TWF1: variants seen among roughly 807,000 people sequenced by gnomAD.
TWF1 encodes twinfilin actin binding protein 1, also known as twinfilin-1.
In TWF1, 14 loss-of-function variants were observed where a neutral mutation model predicts 47.9. The ratio of observed to expected loss-of-function variants is 0.29; its 90% CI spans 0.19 to 0.46. The LOEUF (loss-of-function observed/expected upper bound fraction) is 0.46, where lower values mean the gene tolerates loss of function less well. Ranked by LOEUF, TWF1 falls within the 20% of genes least tolerant of loss-of-function variation. The probability of loss-of-function intolerance (pLI) is 1.00; values close to 1 mark genes in which losing one functional copy is unlikely to be tolerated. For synonymous variants in TWF1, 96 were observed against 139.2 expected, an observed-to-expected ratio of 0.69 and a Z score of 2.18; for missense variants, 281 against 409.3, an observed-to-expected ratio of 0.69 and a Z score of 2.70.
chr12:43,797,108 AAAT>A lies in TWF1; in HGVS notation c.761-14_761-12del, dbSNP rs1942566584. 6.4e-7 allele frequency: 1 copy of A among 1,574,154 alleles called. No individual in the cohort carries two copies. The highest frequency in any genetic ancestry group is 2.2e-5 in the East Asian group (1 of 44,564). Reference sequence around the variant, plus strand: ...TTGAATAAATAAAAACTGTAAGTTCAAATAATAACAAATATAATTAGCATATCA... The same window carrying A: ...TTGAATAAATAAAAACTGTAAGTTCAAATAACAAATATAATTAGCATATCA... On this transcript the variant is annotated splice_polypyrimidine_tract_variant and intron_variant, in intron 7 of 8. Transcript: ENST00000395510.
intron 1 of TWF1, among the ~76,000 whole-genome samples, chr12:43,805,035 G>C (rs1405699792): frequency 6.6e-6 from 1 of 152,138 alleles, no homozygotes; most frequent in African/African-American, 2.4e-5. Flanking sequence ...CTTGTTTAAA[G>C]AAAAAGACAA....
chr12:43,803,813 A>G (rs1287889195), intron 2 of TWF1, among the ~76,000 whole-genome samples: 2 of 152,172 alleles, frequency 1.3e-5, no homozygotes, highest in Admixed American at 6.5e-5. Context: ...TTGTGAAAGA[A>G]CAAGTTACTT....
intron 8 of TWF1, among the ~76,000 whole-genome samples, chr12:43,796,772 T>C (rs1401974473): frequency 6.6e-6 from 1 of 152,082 alleles, no homozygotes; most frequent in Non-Finnish European, 1.5e-5. Context: ...AATAGCCACA[T>C]GTGGCTTACT....
In TWF1 at chr12:43,800,457, T is replaced by C. The variant is rs1213113911; in HGVS notation, c.356A>G (p.Asp119Gly). ...TACCTTTACTGTTCCAAATACTTCA[T>C]CTTTAATGTGGCCACCTCCAAATTC... ...KKEFGGGHIK[D>G]EVFGTVKEDV... is the part of the protein sequence containing the mutation. Residue 119 changes from aspartate to glycine, a missense_variant, in exon 4 of 9, where the codon GAT becomes GGT. By Grantham distance (94) the Asp-to-Gly change is moderately conservative (BLOSUM62 -1). Coordinates refer to ENST00000395510, the MANE Select transcript of TWF1 (RefSeq NM_002822.5). 1 of 1,613,316 alleles carries C rather than the reference T, an allele frequency of 6.2e-7. No individual in the cohort carries two copies. The highest frequency in any genetic ancestry group is 1.3e-5 in the African/African-American group (1 of 74,914).
intron 5 of TWF1, chr12:43,798,701 T>G (rs1942603907): frequency 8.7e-7 from 1 of 1,151,200 alleles, no homozygotes; most frequent in African/African-American, 1.6e-5. Context: ...TGCTACCAGT[T>G]TAATATTAAA....
chr12:43,805,891 T>G, intron 1 of TWF1: 2 of 1,462,822 alleles, frequency 1.4e-6, no homozygotes, highest in Non-Finnish European at 1.8e-6. Context: ...CTTCCCTACG[T>G]GACCAAAAGG....
chr12:43,805,460 G>A, intron 1 of TWF1: 2 of 442,276 alleles, frequency 4.5e-6, no homozygotes, highest in South Asian at 3.2e-5. Context: ...GTTTACACTA[G>A]AACTCGTTAA....
intron 8 of TWF1, 51 bp downstream of exon 8, chr12:43,796,925 A>G (rs777089198): frequency 6.4e-7 from 1 of 1,567,012 alleles, no homozygotes; most frequent in Non-Finnish European, 8.7e-7. Flanking sequence ...CTACATAGAA[A>G]TGAAAAGAAA....
At chr12:43,805,594 C>G (rs555788872) in intron 1 of TWF1, 1 of 471,534 alleles carries the variant, frequency 2.1e-6, no homozygotes, top group South Asian at 1.5e-5. Context: ...ACTGTCTGCA[C>G]GCATTACATG....
Position 43,795,600 on chromosome 12 carries a change from T to C in TWF1, c.1038A>G (p.Glu346=). Residue 346 remains glutamate, a synonymous_variant, in exon 9 of 9, where the codon GAA becomes GAG. Coordinates refer to ENST00000395510, the MANE Select transcript of TWF1 (RefSeq NM_002822.5). ...RRLIRGPAET[E]ATTD is the part of the protein sequence containing the mutation. ...TGTGATGACTTTAATCAGTAGTAGC[T>C]TCAGTTTCCGCTGGGCCCCTAATTA... 2 of 1,612,046 alleles carry C rather than the reference T, an allele frequency of 1.2e-6. No individual in the cohort carries two copies. Among genetic ancestry groups the C allele is most frequent in the Non-Finnish European group, 1.7e-6 (2 of 1,179,820 alleles).
rs907005506 is a variant in TWF1, at chr12:43,806,194, C to T, written c.25+27G>A. On this transcript the variant is annotated intron_variant, in intron 1 of 8. Transcript: ENST00000395510. Reference sequence around the variant, plus strand: ...TCCCGGCTCTCCCGGAAGCCCCTTCCCTGCGAGTCGCGCCGGGCGCTGTTA... The same window carrying T: ...TCCCGGCTCTCCCGGAAGCCCCTTCTCTGCGAGTCGCGCCGGGCGCTGTTA... The T allele has an allele frequency of 2.4e-5, 36 of 1,527,076 alleles. No homozygotes were observed. The African/African-American group carries it at 3.1e-4, about 13-fold the overall frequency. 94.6% of individuals were successfully genotyped at this position (1,527,076 alleles called of 1,614,324 possible).
intron 5 of TWF1, among the ~76,000 whole-genome samples, chr12:43,798,857 A>G (rs1016741732): frequency 7.9e-5 from 12 of 152,122 alleles, no homozygotes; most frequent in African/African-American, 4.8e-5. Context: ...CCAGTATGTT[A>G]GAATGGCTGT....
intron 8 of TWF1, 96 bp from the exon 9 acceptor site, chr12:43,795,851 C>G (rs1942540244): frequency 3.3e-6 from 4 of 1,230,454 alleles, no homozygotes; most frequent in Non-Finnish European, 4.6e-6. Context: ...AATACCCTTT[C>G]CAGTAAGGCA....
intron 1 of TWF1, chr12:43,805,695 A>T (rs1006723840): frequency 1.1e-6 from 1 of 881,098 alleles, no homozygotes; most frequent in African/African-American, 1.7e-5. Flanking sequence ...CATAACTCTC[A>T]TTTTCCTATT....
intron 8 of TWF1, 34 bp from the exon 9 acceptor site, chr12:43,795,789 A>G (rs753587260): frequency 6.2e-7 from 1 of 1,606,482 alleles, no homozygotes; most frequent in South Asian, 1.1e-5. Context: ...ACAACATTCA[A>G]AACCTAATAC....
At position 43,795,488 on chromosome 12, in the gene TWF1, T is replaced by C; in HGVS notation, c.*97A>G. 1 of 1,246,334 alleles carries C rather than the reference T, an allele frequency of 8.0e-7. No homozygotes were observed. Among genetic ancestry groups the C allele is most frequent in the South Asian group, 1.6e-5 (1 of 60,948 alleles). 77.2% of individuals were successfully genotyped at this position (1,246,334 alleles called of 1,614,324 possible). On this transcript the variant is annotated 3_prime_UTR_variant, in exon 9 of 9. Coordinates refer to ENST00000395510, the MANE Select transcript of TWF1 (RefSeq NM_002822.5). The stretch of plus-strand genomic sequence containing the variant: ...GCTATTTTCCAAAAAGTACAATTTT[T>C]TTCCCTACTTTATATCAACATGGAA...
At chr12:43,802,249 C>T in intron 3 of TWF1, 37 bp downstream of exon 3, 1 of 1,368,190 alleles carries the variant, frequency 7.3e-7, no homozygotes, top group Non-Finnish European at 9.8e-7. Flanking sequence ...ATTTTTCTAG[C>T]ATTTAATGTT....
intron 3 of TWF1, 70 bp downstream of exon 3, chr12:43,802,216 T>G: frequency 9.4e-7 from 1 of 1,068,036 alleles, no homozygotes; most frequent in Non-Finnish European, 1.3e-6. Flanking sequence ...TTAACCTTTA[T>G]TTGACCTAGA....
chr12:43,806,304 G>A lies in TWF1; in HGVS notation c.-59C>T, dbSNP rs1942772848. On this transcript the variant is annotated 5_prime_UTR_variant, in exon 1 of 9. Transcript: ENST00000395510. Reference sequence around the variant, plus strand: ...AGTGCAGCCAGCGGCCCCGGCCGGCGGCCCCAGGAAGTGGCTGCTCCTCCG... The same window carrying A: ...AGTGCAGCCAGCGGCCCCGGCCGGCAGCCCCAGGAAGTGGCTGCTCCTCCG... The A allele has an allele frequency of 4.9e-6, 7 of 1,440,842 alleles. No homozygotes were observed. In the Admixed American group the frequency reaches 1.0e-4, roughly 21 times the overall value. 89.3% of individuals were successfully genotyped at this position (1,440,842 alleles called of 1,614,324 possible).
Sources: gnomAD v4.1 joint callset for allele counts (sites outside exome capture counted in the v4.1 genomes callset) on GRCh38, gnomAD v4.1.1 for gene constraint, MANE v1.5 for transcripts, NCBI Gene and HGNC (gene_info 2026-07-23, HGNC 2026-07-21) for gene names.